DGKK: variants seen among roughly 807,000 people sequenced by gnomAD.
DGKK encodes the protein 142 kDa diacylglycerol kinase.
DGKK carries 35 observed loss-of-function variants against 92.2 expected under a neutral mutation model. The observed-to-expected ratio is 0.38, with a 90% CI of 0.29 to 0.50. The LOEUF (loss-of-function observed/expected upper bound fraction) is 0.50. Ranked by LOEUF, DGKK falls within the 20% of genes least tolerant of loss-of-function variation. The pLI, the probability that DGKK is intolerant of heterozygous loss-of-function variation, is 0.92. For missense variants in DGKK, 910 were observed against 992.2 expected (o/e 0.92, Z 1.11); for synonymous variants, 368 against 360.6 (o/e 1.02, Z -0.23).
chrX:50,413,083 T>C (rs371348574), intron 4 of DGKK, among the ~76,000 whole-genome samples: 1 of 110,412 alleles, frequency 9.1e-6, no homozygotes, highest in Non-Finnish European at 1.9e-5. Context: ...GGTGGAACAG[T>C]TTCATCCCGA....
At chrX:50,411,726 A>G (rs1456638699) in intron 4 of DGKK, among the ~76,000 whole-genome samples, 3 of 111,855 alleles carry the variant, frequency 2.7e-5, no homozygotes, top group Non-Finnish European at 5.6e-5. Context: ...AACCAGAGCA[A>G]TTAGGCAGGA....
chrX:50,461,559 T>C (rs1209486475), intron 1 of DGKK, among the ~76,000 whole-genome samples: 6 of 112,263 alleles, frequency 5.3e-5, no homozygotes, highest in African/African-American at 1.9e-4. Context: ...TTAGTTTAAG[T>C]AGAGGAATGC....
chrX:50,455,557 G>A (rs112433565), intron 1 of DGKK, among the ~76,000 whole-genome samples: 2,489 of 111,188 alleles, frequency 0.022, 60 homozygotes, highest in African/African-American at 0.075. Flanking sequence ...TTCCCTAAGC[G>A]CAATATATTC....
chrX:50,417,375 T>G (rs1209931015), intron 4 of DGKK, among the ~76,000 whole-genome samples: 1 of 110,323 alleles, frequency 9.1e-6, no homozygotes. Flanking sequence ...AGAGTTCAAA[T>G]AAAGGCCACA....
rs1925079260 is a variant in DGKK at position 50,404,044 on chromosome X, G to C, written c.1078+5C>G. On this transcript the variant is annotated splice_donor_5th_base_variant and intron_variant, in intron 5 of 27. Transcript: ENST00000611977. ...CTTCACTTCCTAAAGGAATCAGAAA[G>C]GTACCTTCACAGATGATGGCATCTC... The C allele has an allele frequency of 5.8e-6, 7 of 1,208,908 alleles. No individual in the cohort carries two copies. The highest frequency in any genetic ancestry group is 7.8e-6 in the Non-Finnish European group (7 of 894,445).
intron 18 of DGKK, among the ~76,000 whole-genome samples, chrX:50,381,162 A>G (rs1924403836): frequency 8.9e-6 from 1 of 112,058 alleles, no homozygotes; most frequent in Non-Finnish European, 1.9e-5. Flanking sequence ...GGGAAAGGAT[A>G]GCTGTTTTGA....
At chrX:50,468,956 A>G (rs1557234243) in intron 1 of DGKK, among the ~76,000 whole-genome samples, 1 of 110,112 alleles carries the variant, frequency 9.1e-6, no homozygotes, top group African/African-American at 3.3e-5. Flanking sequence ...CCTGGTTTTC[A>G]GTTTTGTGGA....
intron 18 of DGKK, 127 bp from the exon 19 acceptor site, chrX:50,380,204 G>A: frequency 1.9e-6 from 1 of 527,126 alleles, no homozygotes; most frequent in Non-Finnish European, 3.2e-6. Flanking sequence ...ATGCTAAATG[G>A]CAACTGGACA....
At position 50,378,639 on chromosome X, in the gene DGKK, A is replaced by AAGATTGCC. The variant is rs782742321; in HGVS notation, c.2907_2914dup (p.Phe972TrpfsTer28). ...GGACATTGCCATCTGCACAGAACCA[A>AAGATTGCC]AGATTGCCACCACCTCCAGTTTCCC... On this transcript the variant is annotated frameshift_variant, in exon 21 of 28. Coordinates refer to ENST00000611977, the MANE Select transcript of DGKK (RefSeq NM_001013742.4). LOFTEE classifies it high-confidence loss of function. The AAGATTGCC allele has an allele frequency of 8.3e-7, 1 of 1,208,206 alleles. No homozygotes were observed. Among genetic ancestry groups the AAGATTGCC allele is most frequent in the African/African-American group, 1.8e-5 (1 of 57,085 alleles).
chrX:50,468,903 C>T (rs1250325146), intron 1 of DGKK, among the ~76,000 whole-genome samples: 1 of 109,364 alleles, frequency 9.1e-6, no homozygotes, highest in Non-Finnish European at 1.9e-5. Flanking sequence ...GTGTGTATGT[C>T]TTCCTGCAGG....
chrX:50,366,685 C>G lies in DGKK; in HGVS notation c.*2255G>C, dbSNP rs1349378156. 1.8e-5 allele frequency: 2 copies of G among 112,127 alleles called. No homozygotes were observed. The highest frequency in any genetic ancestry group is 3.8e-5 in the Non-Finnish European group (2 of 53,219). 9.2% of individuals were successfully genotyped at this position (112,127 alleles called of 1,213,427 possible). On this transcript the variant is annotated 3_prime_UTR_variant, in exon 28 of 28. Transcript: ENST00000611977. ...GTAGTCCTAAATTTGCTCATTTGGA[C>G]ATTTTCCCCTTCGGAAAAAGCTCTT...
chrX:50,468,823 T>C (rs1216868297), intron 1 of DGKK, among the ~76,000 whole-genome samples: 1 of 108,582 alleles, frequency 9.2e-6, no homozygotes, highest in African/African-American at 3.4e-5. Context: ...GGCAGCAGGA[T>C]GGACCGGTAT....
At position 50,420,246 on chromosome X, in the gene DGKK, A is replaced by G. The variant is rs782521295; in HGVS notation, c.942+157T>C. On this transcript the variant is annotated intron_variant, in intron 4 of 27. Coordinates refer to ENST00000611977, the MANE Select transcript of DGKK (RefSeq NM_001013742.4). ...GTCTGAGTCCAAGTGAATTACTCCT[A>G]TTTATGAATAATTCTAAAGAGGTTT... Among the ~76,000 whole-genome samples, 5 of 112,087 alleles carry G rather than the reference A, an allele frequency of 4.5e-5. No homozygotes were observed. In the South Asian group the frequency reaches 1.9e-3, roughly 42 times the overall value.
chrX:50,377,352 T>C (rs1305148338), intron 22 of DGKK, among the ~76,000 whole-genome samples: 1 of 112,624 alleles, frequency 8.9e-6, no homozygotes, highest in Non-Finnish European at 1.9e-5. Flanking sequence ...TGTCATTTAC[T>C]AGTTGTGTGA....
At chrX:50,391,825 A>T (rs1323647166) in intron 10 of DGKK, among the ~76,000 whole-genome samples, 2 of 112,213 alleles carry the variant, frequency 1.8e-5, no homozygotes, top group African/African-American at 6.5e-5. Context: ...GAATATGACA[A>T]TATTCATGGC....
intron 1 of DGKK, among the ~76,000 whole-genome samples, chrX:50,464,905 C>T (rs1452107481): frequency 2.7e-5 from 3 of 111,180 alleles, no homozygotes; most frequent in Admixed American, 9.6e-5. Context: ...TCAAAAGAAA[C>T]CCTGTACTCT....
intron 8 of DGKK, among the ~76,000 whole-genome samples, chrX:50,395,348 C>T (rs1190089897): frequency 3.6e-5 from 4 of 111,064 alleles, no homozygotes; most frequent in Non-Finnish European, 7.6e-5. Context: ...TCTAAGTGAG[C>T]ATATGACTTT....
chrX:50,400,371 G>A (rs782556444), intron 8 of DGKK, among the ~76,000 whole-genome samples: 3 of 111,543 alleles, frequency 2.7e-5, no homozygotes, highest in East Asian at 5.6e-4. Context: ...CCTCCTTTCC[G>A]CTCAACCTCC....
intron 1 of DGKK, among the ~76,000 whole-genome samples, chrX:50,467,188 G>T (rs1312400120): frequency 8.9e-6 from 1 of 112,259 alleles, no homozygotes; most frequent in Non-Finnish European, 1.9e-5. Flanking sequence ...GGGAGACCAT[G>T]GCTCATTTCC....
Sources: gnomAD v4.1 joint callset for allele counts (sites outside exome capture counted in the v4.1 genomes callset) on GRCh38, gnomAD v4.1.1 for gene constraint, MANE v1.5 for transcripts, NCBI Gene and HGNC (gene_info 2026-07-23, HGNC 2026-07-21) for gene names.